Variants in CCDC186 observed in about 807,000 individuals in gnomAD.
The protein encoded by CCDC186 is coiled-coil domain containing 186.
CCDC186 carries 49 observed loss-of-function variants against 113.7 expected under a neutral mutation model. The observed-to-expected ratio is 0.43, with a 90% confidence interval of 0.34 to 0.55. The LOEUF is 0.55. Ranked by LOEUF, CCDC186 falls within the 20% of genes least tolerant of loss-of-function variation. The pLI is 0.02. For missense variants in CCDC186, 890 were observed against 1,011.1 expected (o/e 0.88, Z 1.62); for synonymous variants, 355 against 345.8 (o/e 1.03, Z -0.30).
At chr10:114,151,334 C>T in intron 3 of CCDC186, 114 bp from the exon 4 acceptor site, 1 of 816,740 alleles carries the variant, frequency 1.2e-6, no homozygotes, top group Non-Finnish European at 1.8e-6. Context: ...GAATATACTT[C>T]AGCTATTGAA....
At position 114,131,233 on chromosome 10, in the gene CCDC186, T is replaced by C; in HGVS notation, c.2015A>G (p.Gln672Arg). ...RQTEVKALST[Q>R]VEELKDELVT... Reference sequence around the variant, plus strand: ...TAACTCATCTTTTAATTCTTCTACCTGGGTACTCAATGCTTTAACTTCTGT... The same window carrying C: ...TAACTCATCTTTTAATTCTTCTACCCGGGTACTCAATGCTTTAACTTCTGT... Residue 672 changes from glutamine to arginine, a missense_variant, in exon 12 of 16, where the codon CAG (glutamine) becomes CGG (arginine). Transcript: ENST00000369287. 1 of 1,602,788 alleles carries C rather than the reference T, an allele frequency of 6.2e-7. No individual in the cohort carries two copies. Among genetic ancestry groups the C allele is most frequent in the South Asian group, 1.1e-5 (1 of 89,022 alleles).
chr10:114,157,654 T>A lies in CCDC186; in HGVS notation c.659A>T (p.Gln220Leu), dbSNP rs1564916024. The A allele has an allele frequency of 6.3e-7, 1 of 1,596,054 alleles. No homozygotes were observed. The highest frequency in any genetic ancestry group is 2.2e-5 in the East Asian group (1 of 44,720). Residue 220 changes from glutamine to leucine, a missense_variant, in exon 3 of 16, where the codon CAG becomes CTG. Physicochemically the swap from Gln to Leu is moderately radical, Grantham distance 113. Transcript: ENST00000369287. ...KKLIKENKKH[Q>L]ELFVDICSEK... ...TGAACAAATGTCTACGAAGAGCTCC[T>A]GATGCTTCTTATTTTCTTTAATTAA...
chr10:114,149,754 C>CAGGAAGGCAGGAAGGCAGGA (rs2031776412), intron 4 of CCDC186, among the ~76,000 whole-genome samples: 1 of 60,590 alleles, frequency 1.7e-5, no homozygotes, highest in East Asian at 6.1e-4. Context: ...GGCAGGAAGG[C>CAGGAAGGCAGGAAGGCAGGA]AGGAAGGAAG....
rs2031097975 is a variant in CCDC186, at chr10:114,131,853, A to G, written c.1911+76T>C. 4 of 1,294,028 alleles carry G rather than the reference A, an allele frequency of 3.1e-6. No homozygotes were observed. In the South Asian group the frequency reaches 7.3e-5, roughly 24 times the overall value. The allele number at this position is 1,294,028 out of a possible 1,614,324, so 80.2% of individuals were successfully genotyped here. On this transcript the variant is annotated intron_variant, in intron 11 of 15. Coordinates refer to ENST00000369287, the MANE Select transcript of CCDC186 (RefSeq NM_018017.4). ...CAGGAAAGAACTTAATTCAACTACT[A>G]TTACTTTTATACTGTTAGGGAAATT... is the stretch of plus-strand genomic sequence containing the variant.
At chr10:114,154,728 G>T (rs2031960604) in intron 3 of CCDC186, among the ~76,000 whole-genome samples, 1 of 152,118 alleles carries the variant, frequency 6.6e-6, no homozygotes, top group Admixed American at 6.5e-5. Flanking sequence ...ACACCCAAGA[G>T]AAATGAAAGC....
chr10:114,160,589 T>C (rs1169377894), intron 2 of CCDC186, among the ~76,000 whole-genome samples: 2 of 151,880 alleles, frequency 1.3e-5, no homozygotes, highest in African/African-American at 2.4e-5. Context: ...AACTTGATTG[T>C]GGTAATCATT....
intron 10 of CCDC186, among the ~76,000 whole-genome samples, chr10:114,132,797 G>A (rs1035257891): frequency 6.6e-6 from 1 of 152,170 alleles, no homozygotes; most frequent in Non-Finnish European, 1.5e-5. Context: ...AACTGGGAAG[G>A]GAATAAGAGG....
chr10:114,155,467 G>A (rs1221147961), intron 3 of CCDC186, among the ~76,000 whole-genome samples: 3 of 152,118 alleles, frequency 2.0e-5, no homozygotes, highest in Non-Finnish European at 4.4e-5. Flanking sequence ...CTGAGGTCAG[G>A]AGTTCAAGAC....
Position 114,151,165 on chromosome 10 carries a change from A to G in CCDC186, c.815T>C (p.Leu272Pro). ...NKEVKASRDQ[L>P]IAQDVTAKNA... Reference sequence around the variant, plus strand: ...TTTAGCTGTAACGTCTTGAGCTATTAGTTGATCTCTGGAAGCTTTAACTTC... The same window carrying G: ...TTTAGCTGTAACGTCTTGAGCTATTGGTTGATCTCTGGAAGCTTTAACTTC... The change falls in exon 4 of 16, where the codon CTA becomes CCA. Residue 272 changes from leucine to proline, a missense_variant. Coordinates refer to ENST00000369287, the MANE Select transcript of CCDC186 (RefSeq NM_018017.4). 1 of 1,611,270 alleles carries G rather than the reference A, an allele frequency of 6.2e-7. No homozygotes were observed. The highest frequency in any genetic ancestry group is 8.5e-7 in the Non-Finnish European group (1 of 1,177,574).
Position 114,132,072 on chromosome 10 carries a change from G to A in CCDC186, c.1768C>T (p.Leu590=), listed in dbSNP as rs2031106013. 2.5e-6 allele frequency: 4 copies of A among 1,613,494 alleles called. No individual in the cohort carries two copies. Among genetic ancestry groups the A allele is most frequent in the Non-Finnish European group, 3.4e-6 (4 of 1,179,760 alleles). Residue 590 remains leucine, a synonymous_variant, in exon 11 of 16, where the codon CTG becomes TTG. Coordinates refer to ENST00000369287, the MANE Select transcript of CCDC186 (RefSeq NM_018017.4). ...TTACTAGTGAGCCTTTCTGTAAACAGCAGCAGCTCAGATTCTCTTTTCCTA... is the reference window on the plus strand; with the variant it reads ...TTACTAGTGAGCCTTTCTGTAAACAACAGCAGCTCAGATTCTCTTTTCCTA... ...GSRKRESELL[L]FTERLTSKNA... is the part of the protein sequence containing the mutation.
chr10:114,160,677 G>A (rs2032145283), intron 2 of CCDC186, among the ~76,000 whole-genome samples: 1 of 151,930 alleles, frequency 6.6e-6, no homozygotes, highest in South Asian at 2.1e-4. Context: ...AATAAAGCTG[G>A]GGGAAAAATG....
Position 114,124,534 on chromosome 10 carries a change from G to C in CCDC186, c.*609C>G, listed in dbSNP as rs1457624917. 2.0e-5 allele frequency: 3 copies of C among 152,088 alleles called. No individual in the cohort carries two copies. The highest frequency in any genetic ancestry group is 4.4e-5 in the Non-Finnish European group (3 of 67,992). 9.4% of individuals were successfully genotyped at this position (152,088 alleles called of 1,614,324 possible). Reference sequence around the variant, plus strand: ...AATCTGAAAAAATGTACCTAAAACAGATAAGAAAACCTGACAGAGGCAAAC... The same window carrying C: ...AATCTGAAAAAATGTACCTAAAACACATAAGAAAACCTGACAGAGGCAAAC... On this transcript the variant is annotated 3_prime_UTR_variant, in exon 16 of 16. Transcript: ENST00000369287.
At chr10:114,128,159 T>C (rs907535932) in intron 13 of CCDC186, among the ~76,000 whole-genome samples, 1 of 152,164 alleles carries the variant, frequency 6.6e-6, no homozygotes, top group Admixed American at 6.6e-5. Flanking sequence ...GCATAAATGA[T>C]ATTATTTACC....
At position 114,132,193 on chromosome 10, in the gene CCDC186, C is replaced by CA; in HGVS notation, c.1656-10dup. 1 of 1,520,656 alleles carries CA rather than the reference C, an allele frequency of 6.6e-7. No individual in the cohort carries two copies. Among genetic ancestry groups the CA allele is most frequent in the Non-Finnish European group, 8.9e-7 (1 of 1,122,362 alleles). The allele number at this position is 1,520,656 out of a possible 1,614,324, so 94.2% of individuals were successfully genotyped here. ...CAATTTCTTGCTTACCTCTAAAACA[C>CA]AAAATTTATATTTAAGAAAAAATAA... On this transcript the variant is annotated splice_polypyrimidine_tract_variant and intron_variant, in intron 10 of 15. Transcript: ENST00000369287.
intron 14 of CCDC186, among the ~76,000 whole-genome samples, chr10:114,126,499 G>A (rs1315525362): frequency 6.6e-6 from 1 of 152,142 alleles, no homozygotes; most frequent in Non-Finnish European, 1.5e-5. Flanking sequence ...TAGGACCACA[G>A]ACATGTACCA....
chr10:114,161,061 G>T (rs887844143), intron 2 of CCDC186, among the ~76,000 whole-genome samples: 2 of 152,172 alleles, frequency 1.3e-5, no homozygotes, highest in African/African-American at 4.8e-5. Context: ...TCAGAATTAT[G>T]ATTATTCCAC....
intron 1 of CCDC186, chr10:114,165,862 A>AAAAAAAAT: frequency 2.0e-6 from 2 of 977,730 alleles, no homozygotes; most frequent in African/African-American, 1.8e-5. Flanking sequence ...AAAAAAAAAA[A>AAAAAAAAT]GTAAGGAGAG....
chr10:114,125,533 A>G (rs2030870589), intron 15 of CCDC186, among the ~76,000 whole-genome samples: 1 of 152,216 alleles, frequency 6.6e-6, no homozygotes, highest in African/African-American at 2.4e-5. Flanking sequence ...CCCACAGCAA[A>G]AATAAAATAT....
At chr10:114,169,699 T>G (rs1255142213) in intron 1 of CCDC186, among the ~76,000 whole-genome samples, 1 of 152,204 alleles carries the variant, frequency 6.6e-6, no homozygotes, top group African/African-American at 2.4e-5. Context: ...CAAAAACACC[T>G]TGAAAGCAGC....
Sources: allele counts gnomAD v4.1 joint callset (sites outside exome capture counted in the v4.1 genomes callset), GRCh38; gene constraint gnomAD v4.1.1; transcripts MANE v1.5; gene names NCBI Gene and HGNC (gene_info 2026-07-23, HGNC 2026-07-21).